The following VGLL4 variants were observed in gnomAD, a reference collection of about 807,000 sequenced individuals.
The protein encoded by VGLL4 is transcription cofactor vestigial-like protein 4.
Under a neutral mutation model 21.0 loss-of-function variants are expected in VGLL4, and 7 were observed. The ratio of observed to expected loss-of-function variants is 0.33; its 90% CI spans 0.19 to 0.63. VGLL4 has a LOEUF of 0.63. Among genes scored for constraint, VGLL4 ranks in the 20% least tolerant of loss-of-function variants. VGLL4 has a pLI of 0.78. For missense variants in VGLL4, 394 were observed against 425.7 expected, an observed-to-expected ratio of 0.93 and a Z score of 0.66; for synonymous variants, 222 against 173.2, an observed-to-expected ratio of 1.28 and a Z score of -2.21.
intron 2 of VGLL4, 63 bp downstream of exon 2, chr3:11,601,770 G>A: frequency 1.3e-6 from 2 of 1,558,986 alleles, no homozygotes; most frequent in South Asian, 1.2e-5. Flanking sequence ...GCACAAAGTT[G>A]CAAAACAAAT....
intron 2 of VGLL4, among the ~76,000 whole-genome samples, chr3:11,651,900 A>G (rs2075877822): frequency 6.6e-6 from 1 of 152,210 alleles, no homozygotes; most frequent in African/African-American, 2.4e-5. Context: ...TTAAAAGGAC[A>G]GTATTTTGTG....
intron 2 of VGLL4, among the ~76,000 whole-genome samples, chr3:11,593,404 T>C (rs1278307612): frequency 6.6e-6 from 1 of 152,160 alleles, no homozygotes; most frequent in Non-Finnish European, 1.5e-5. Context: ...TTTTAGCCAA[T>C]CATCAATTTC....
intron 2 of VGLL4, among the ~76,000 whole-genome samples, chr3:11,650,996 C>T (rs942379770): frequency 1.3e-5 from 2 of 152,104 alleles, no homozygotes; most frequent in African/African-American, 4.8e-5. Flanking sequence ...CACATTTTTG[C>T]TTCGTAATCT....
intron 2 of VGLL4, among the ~76,000 whole-genome samples, chr3:11,668,707 G>A (rs2076161923): frequency 6.6e-6 from 1 of 152,188 alleles, no homozygotes; most frequent in Admixed American, 6.5e-5. Flanking sequence ...AAGTCAATCA[G>A]CATGTGTTGA....
In VGLL4 at chr3:11,643,907, G is replaced by T; in HGVS notation, c.-389C>A. 1 of 1,023,290 alleles carries T rather than the reference G, an allele frequency of 9.8e-7. No individual in the cohort carries two copies. The highest frequency in any genetic ancestry group is 1.2e-6 in the Non-Finnish European group (1 of 853,326). 63.4% of individuals were successfully genotyped at this position (1,023,290 alleles called of 1,614,324 possible). ...CGCTGCAAGCCGGCAGCGCTGACATGAGGGCTATGCTTGGCATGACTCCTA... is the reference window on the plus strand; with the variant it reads ...CGCTGCAAGCCGGCAGCGCTGACATTAGGGCTATGCTTGGCATGACTCCTA... On this transcript the variant is annotated 5_prime_UTR_variant, in exon 1 of 5. Transcript: ENST00000430365.
chr3:11,709,435 TAAAAAAAAAAAAAA>T (rs58100629), intron 1 of VGLL4, among the ~76,000 whole-genome samples: 3 of 108,834 alleles, frequency 2.8e-5, no homozygotes, highest in Admixed American at 1.8e-4. Context: ...AGACTCCGTC[TAAAAAAAAAAAAAA>T]AAAAAAAAAA....
intron 1 of VGLL4, among the ~76,000 whole-genome samples, chr3:11,638,954 G>A (rs773867203): frequency 7.2e-5 from 11 of 152,186 alleles, no homozygotes; most frequent in Non-Finnish European, 1.6e-4. Context: ...GGATAACTGT[G>A]CCTAAAACAA....
chr3:11,684,579 C>T (rs374193162), intron 2 of VGLL4, among the ~76,000 whole-genome samples: 1 of 152,108 alleles, frequency 6.6e-6, no homozygotes, highest in East Asian at 1.9e-4. Context: ...CAGGGTTTTG[C>T]TATTTTGCCC....
chr3:11,615,407 G>A (rs1053508897), intron 1 of VGLL4, among the ~76,000 whole-genome samples: 18 of 152,166 alleles, frequency 1.2e-4, no homozygotes, highest in Admixed American at 6.5e-5. Context: ...ATTTCTTTAT[G>A]ATTAGATCTG....
At chr3:11,679,970 C>G (rs1008841387) in intron 2 of VGLL4, among the ~76,000 whole-genome samples, 3 of 152,184 alleles carry the variant, frequency 2.0e-5, no homozygotes, top group Admixed American at 6.5e-5. Flanking sequence ...TCACTACTCA[C>G]CCAGTGCAAC....
intron 2 of VGLL4, among the ~76,000 whole-genome samples, chr3:11,651,553 G>A (rs550460911): frequency 6.9e-6 from 1 of 145,802 alleles, no homozygotes; most frequent in African/African-American, 2.5e-5. Context: ...CATTATTTTA[G>A]GTTTATTCTA....
chr3:11,686,557 C>A (rs763877749), intron 2 of VGLL4, among the ~76,000 whole-genome samples: 31 of 152,140 alleles, frequency 2.0e-4, no homozygotes, highest in Non-Finnish European at 3.8e-4. Context: ...CAGTTTTACA[C>A]AATGAAAAGA....
At chr3:11,627,201 T>C (rs7637729) in intron 1 of VGLL4, 66,737 of 140,862 alleles carry the variant, frequency 0.47, 16,384 homozygotes, top group Non-Finnish European at 0.57. Flanking sequence ...GTTTGTTTTA[T>C]ACACACACAC....
At chr3:11,715,693 G>A (rs1049100288) in intron 1 of VGLL4, among the ~76,000 whole-genome samples, 3 of 152,130 alleles carry the variant, frequency 2.0e-5, no homozygotes, top group African/African-American at 7.2e-5. Context: ...TTGAATTAGT[G>A]GATATTGAAC....
At position 11,565,097 on chromosome 3, in the gene VGLL4, T is replaced by C; in HGVS notation, c.273-78A>G. 7.7e-7 allele frequency: 1 copy of C among 1,303,056 alleles called. No individual in the cohort carries two copies. The highest frequency in any genetic ancestry group is 1.9e-5 in the South Asian group (1 of 52,258). 80.7% of individuals were successfully genotyped at this position (1,303,056 alleles called of 1,614,324 possible). On this transcript the variant is annotated intron_variant, in intron 2 of 4. Coordinates refer to ENST00000430365, the MANE Select transcript of VGLL4 (RefSeq NM_001128219.3). The surrounding 1 kb of genome is among the most constrained non-coding windows in gnomAD (Gnocchi z 4.1). ...CAGTGACTGTGCGCCAGGCACTCCG[T>C]GTTGCTTATTTAATTTTTTACCCTG...
At chr3:11,677,426 C>T (rs1294260851) in intron 2 of VGLL4, among the ~76,000 whole-genome samples, 1 of 152,046 alleles carries the variant, frequency 6.6e-6, no homozygotes, top group African/African-American at 2.4e-5. Context: ...AGTGCCACCA[C>T]ACCCAGCTAA....
At chr3:11,697,043 G>C (rs2076615039) in intron 2 of VGLL4, among the ~76,000 whole-genome samples, 1 of 151,920 alleles carries the variant, frequency 6.6e-6, no homozygotes, top group South Asian at 2.1e-4. Context: ...ACCTGAGCCA[G>C]TACTGTCTCT....
intron 1 of VGLL4, among the ~76,000 whole-genome samples, chr3:11,630,045 C>T (rs1403010710): frequency 6.6e-6 from 1 of 152,196 alleles, no homozygotes; most frequent in East Asian, 1.9e-4. Flanking sequence ...TGGCTGCCTG[C>T]TGGTTTCCAT....
intron 2 of VGLL4, among the ~76,000 whole-genome samples, chr3:11,572,568 TG>T (rs2073819073): frequency 6.6e-6 from 1 of 152,212 alleles, no homozygotes; most frequent in South Asian, 2.1e-4. Context: ...GGGCATCCTC[TG>T]TTTTGTATTT....
Sources: gnomAD v4.1 joint callset for allele counts (sites outside exome capture counted in the v4.1 genomes callset) on GRCh38, gnomAD v4.1.1 for gene constraint, Gnocchi (gnomAD v3.1) non-coding constraint, MANE v1.5 for transcripts, NCBI Gene and HGNC (gene_info 2026-07-23, HGNC 2026-07-21) for gene names.